The following UBAP1 variants were observed in gnomAD, a reference collection of about 807,000 sequenced individuals.
The protein encoded by UBAP1 is ubiquitin-associated protein 1.
UBAP1 carries 5 observed loss-of-function variants against 39.0 expected under a neutral mutation model. That is an observed-to-expected ratio of 0.13 (90% confidence interval 0.07 to 0.27). The LOEUF (loss-of-function observed/expected upper bound fraction) is 0.27. UBAP1 is among the 10% of genes least tolerant of loss of function. The pLI is 1.00. For missense variants in UBAP1, 490 were observed against 608.1 expected, an observed-to-expected ratio of 0.81 and a Z score of 2.04; for synonymous variants, 211 against 225.1, an observed-to-expected ratio of 0.94 and a Z score of 0.56.
At chr9:34,214,918 A>G (rs2131562237) in intron 1 of UBAP1, among the ~76,000 whole-genome samples, 1 of 152,324 alleles carries the variant, frequency 6.6e-6, no homozygotes, top group African/African-American at 2.4e-5. Flanking sequence ...CATCAAAACC[A>G]CAATGTGATA....
intron 1 of UBAP1, chr9:34,212,146 T>C (rs1373239672): frequency 4.7e-6 from 1 of 210,556 alleles, no homozygotes; most frequent in Non-Finnish European, 1.0e-5. Context: ...TAAATTTTTT[T>C]CCCTGTGATT....
chr9:34,233,530 GTATT>G (rs1041211080), intron 2 of UBAP1, among the ~76,000 whole-genome samples: 1 of 152,026 alleles, frequency 6.6e-6, no homozygotes, highest in African/African-American at 2.4e-5. Context: ...CATCCATTCA[GTATT>G]TATTAAATGC....
chr9:34,187,612 A>AT (rs1218728865), intron 1 of UBAP1, among the ~76,000 whole-genome samples: 3 of 151,952 alleles, frequency 2.0e-5, no homozygotes, highest in Non-Finnish European at 2.9e-5. Flanking sequence ...ATATATTCAA[A>AT]TTTTTTTTGA....
At chr9:34,202,659 G>C (rs1288115437) in intron 1 of UBAP1, among the ~76,000 whole-genome samples, 2 of 147,368 alleles carry the variant, frequency 1.4e-5, no homozygotes, top group African/African-American at 5.0e-5. Flanking sequence ...GTGTGTGTGT[G>C]TGTGTGTGTG....
At chr9:34,217,783 CTTTTT>C (rs750494361) in intron 1 of UBAP1, among the ~76,000 whole-genome samples, 2 of 41,222 alleles carry the variant, frequency 4.9e-5, no homozygotes, top group African/African-American at 1.0e-4. Context: ...GGATTTCGTT[CTTTTT>C]TTTTTTTTTT....
At chr9:34,246,035 AC>A (rs1834160094) in intron 4 of UBAP1, among the ~76,000 whole-genome samples, 2 of 152,030 alleles carry the variant, frequency 1.3e-5, no homozygotes, top group Admixed American at 1.3e-4. Flanking sequence ...GTCCACTGCT[AC>A]CCCCTTTCCT....
intron 1 of UBAP1, chr9:34,201,226 C>A (rs10971989): frequency 0.32 from 49,334 of 151,928 alleles, 9,827 homozygotes; most frequent in Non-Finnish European, 0.45. Flanking sequence ...TGTTTTAGTT[C>A]TTTATTTTAG....
At chr9:34,228,338 A>C (rs1833212019) in intron 2 of UBAP1, among the ~76,000 whole-genome samples, 1 of 151,224 alleles carries the variant, frequency 6.6e-6, no homozygotes, top group Non-Finnish European at 1.5e-5. Flanking sequence ...GAATAGCGTG[A>C]ACCCAGGAGG....
intron 1 of UBAP1, among the ~76,000 whole-genome samples, chr9:34,191,324 T>C (rs1795716888): frequency 6.6e-6 from 1 of 152,302 alleles, no homozygotes. Flanking sequence ...CTGAAACTTC[T>C]GGCCTCAAGC....
At position 34,209,689 on chromosome 9, in the gene UBAP1, T is replaced by C. The variant is rs565714197; in HGVS notation, c.-7-11219T>C. 7.9e-5 allele frequency among the ~76,000 whole-genome samples: 11 copies of C among 139,598 alleles called. No individual in the cohort carries two copies. The East Asian group carries it at 2.0e-3, about 25-fold the overall frequency. 91.6% of individuals were successfully genotyped at this position (139,598 alleles called of 152,430 possible). A position where few individuals can be genotyped will look rare whatever the true frequency, so the allele number is the denominator to read the frequency against. On this transcript the variant is annotated intron_variant, in intron 1 of 6. Coordinates refer to ENST00000297661, the MANE Select transcript of UBAP1 (RefSeq NM_016525.5). ...TTTCTCTCTCTGAAGTCGTTATCTT[T>C]CATTAGTTACCTATTTTTTTTTTTG...
intron 3 of UBAP1, 33 bp downstream of exon 3, chr9:34,234,373 A>T (rs1833575206): frequency 1.9e-6 from 3 of 1,566,638 alleles, no homozygotes; most frequent in Non-Finnish European, 2.6e-6. Context: ...AGTTTAGTGC[A>T]TTTAAAAGTT....
intron 2 of UBAP1, among the ~76,000 whole-genome samples, chr9:34,221,642 GT>G (rs1832767832): frequency 6.6e-6 from 1 of 151,598 alleles, no homozygotes; most frequent in Non-Finnish European, 1.5e-5. Flanking sequence ...GCTTTATAAT[GT>G]TTTAGTTTAG....
intron 5 of UBAP1, among the ~76,000 whole-genome samples, 154 bp from the exon 6 acceptor site, chr9:34,250,504 T>C (rs1834428308): frequency 6.6e-6 from 1 of 152,196 alleles, no homozygotes; most frequent in African/African-American, 2.4e-5. Flanking sequence ...TCCTGTTGTG[T>C]TGGACACAGT....
At chr9:34,224,714 A>G in intron 2 of UBAP1, 1 of 247,406 alleles carries the variant, frequency 4.0e-6, no homozygotes, top group Non-Finnish European at 7.9e-6. Flanking sequence ...AATAATAGAA[A>G]TGAAAGGCAG....
At chr9:34,194,003 C>T (rs974670367) in intron 1 of UBAP1, among the ~76,000 whole-genome samples, 1 of 152,096 alleles carries the variant, frequency 6.6e-6, no homozygotes, top group African/African-American at 2.4e-5. Context: ...CCCCTGAGAC[C>T]TAACACACCC....
Position 34,234,428 on chromosome 9 carries a change from G to A in UBAP1, c.159+88G>A, listed in dbSNP as rs994021308. On this transcript the variant is annotated intron_variant, in intron 3 of 6. Transcript: ENST00000297661. ...GTATAGTGAAATAGAAAAAATTACA[G>A]TTGTGAGCTGAATCATGTTTTGGTC... 7.0e-6 allele frequency: 10 copies of A among 1,420,280 alleles called. No homozygotes were observed. The African/African-American group carries it at 1.2e-4, about 16-fold the overall frequency. The allele number at this position is 1,420,280 out of a possible 1,614,324, so 88.0% of individuals were successfully genotyped here.
chr9:34,212,523 C>T (rs1432903082), intron 1 of UBAP1, among the ~76,000 whole-genome samples: 1 of 151,940 alleles, frequency 6.6e-6, no homozygotes, highest in African/African-American at 2.4e-5. Context: ...AGTAGACACT[C>T]TTAGTGCCAT....
chr9:34,183,499 G>A (rs1026635903), intron 1 of UBAP1, among the ~76,000 whole-genome samples: 1 of 149,918 alleles, frequency 6.7e-6, no homozygotes, highest in African/African-American at 2.5e-5. Context: ...CTTGCAGTGA[G>A]CTGAGATAGT....
chr9:34,215,783 A>G (rs1194778516), intron 1 of UBAP1, among the ~76,000 whole-genome samples: 3 of 152,042 alleles, frequency 2.0e-5, no homozygotes, highest in Non-Finnish European at 4.4e-5. Context: ...ATGTATGTAC[A>G]TATATATAAA....
Sources: allele counts gnomAD v4.1 joint callset (sites outside exome capture counted in the v4.1 genomes callset), GRCh38; gene constraint gnomAD v4.1.1; transcripts MANE v1.5; gene names NCBI Gene and HGNC (gene_info 2026-07-23, HGNC 2026-07-21).